Variants in CACNA2D1 observed in about 807,000 individuals in gnomAD.
CACNA2D1 encodes calcium voltage-gated channel auxiliary subunit alpha2delta 1.
In CACNA2D1, 53 loss-of-function variants were observed where a neutral mutation model predicts 171.5. That is an observed-to-expected ratio of 0.31 (90% CI 0.25 to 0.39). The LOEUF (loss-of-function observed/expected upper bound fraction) is 0.39. Among genes scored for constraint, CACNA2D1 ranks in the 10% least tolerant of loss-of-function variants. The pLI is 1.00. For synonymous variants in CACNA2D1, 442 were observed against 443.1 expected (o/e 1.00, Z 0.03); for missense variants, 903 against 1,299.8 (o/e 0.69, Z 4.69).
chr7:82,389,809 G>T (rs776181706), intron 1 of CACNA2D1, among the ~76,000 whole-genome samples: 3 of 152,158 alleles, frequency 2.0e-5, no homozygotes, highest in Admixed American at 6.6e-5. Context: ...TGAGCAGAGT[G>T]CCTTATACAC....
intron 3 of CACNA2D1, among the ~76,000 whole-genome samples, chr7:82,178,401 C>T (rs995074144): frequency 1.3e-5 from 2 of 152,070 alleles, no homozygotes; most frequent in African/African-American, 2.4e-5. Flanking sequence ...ATTATCATAC[C>T]TTCTTTTGGG....
intron 3 of CACNA2D1, among the ~76,000 whole-genome samples, chr7:82,264,254 C>T (rs1027229470): frequency 6.6e-6 from 1 of 152,116 alleles, no homozygotes; most frequent in African/African-American, 2.4e-5. Context: ...TATATATCTA[C>T]AAAAGATTGT....
chr7:81,962,416 G>T (rs780258840), intron 35 of CACNA2D1, 24 bp downstream of exon 35: 1 of 1,567,698 alleles, frequency 6.4e-7, no homozygotes, highest in East Asian at 2.3e-5. Context: ...TTATGGCAAT[G>T]ACAAGGTCTG....
chr7:82,193,164 C>T (rs1798510472), intron 3 of CACNA2D1, among the ~76,000 whole-genome samples: 1 of 146,278 alleles, frequency 6.8e-6, no homozygotes, highest in African/African-American at 2.4e-5. Flanking sequence ...CGGGCTTCAA[C>T]CCCTCATAAT....
intron 3 of CACNA2D1, among the ~76,000 whole-genome samples, chr7:82,302,070 T>C (rs1813081808): frequency 6.6e-6 from 1 of 152,134 alleles, no homozygotes; most frequent in South Asian, 2.1e-4. Flanking sequence ...CGCTTTTATA[T>C]TTTATAGACA....
At chr7:82,333,093 T>A (rs75796366) in intron 3 of CACNA2D1, among the ~76,000 whole-genome samples, 11,694 of 152,154 alleles carry the variant, frequency 0.077, 528 homozygotes, top group Middle Eastern at 0.17. Context: ...ATTTTTAAAG[T>A]TTATCAAATG....
chr7:81,982,896 A>G, intron 23 of CACNA2D1: 1 of 547,202 alleles, frequency 1.8e-6, no homozygotes, highest in Non-Finnish European at 3.2e-6. Context: ...ATCTAACCCT[A>G]CTATAACCGA....
intron 3 of CACNA2D1, among the ~76,000 whole-genome samples, chr7:82,189,923 C>A (rs1275200650): frequency 6.6e-6 from 1 of 151,834 alleles, no homozygotes; most frequent in Non-Finnish European, 1.5e-5. Flanking sequence ...AAAAGGTTTA[C>A]ATTAGATAAA....
chr7:82,133,983 G>A (rs1414675798), intron 5 of CACNA2D1, among the ~76,000 whole-genome samples: 1 of 152,002 alleles, frequency 6.6e-6, no homozygotes, highest in Non-Finnish European at 1.5e-5. Context: ...TGTGGCAGGA[G>A]AATGGCGTGA....
At chr7:82,421,243 C>G (rs1258930822) in intron 1 of CACNA2D1, among the ~76,000 whole-genome samples, 4 of 152,274 alleles carry the variant, frequency 2.6e-5, no homozygotes, top group African/African-American at 9.6e-5. Flanking sequence ...TGACTTTATG[C>G]CAAGACATTG....
At chr7:82,025,978 A>T (rs1374949748) in intron 12 of CACNA2D1, among the ~76,000 whole-genome samples, 1 of 149,888 alleles carries the variant, frequency 6.7e-6, no homozygotes, top group Non-Finnish European at 1.5e-5. Flanking sequence ...TTGGGTGCAT[A>T]CATCTTTGTT....
intron 3 of CACNA2D1, among the ~76,000 whole-genome samples, chr7:82,271,053 GT>G (rs1808557681): frequency 6.6e-6 from 1 of 152,010 alleles, no homozygotes; most frequent in Non-Finnish European, 1.5e-5. Context: ...TATAAATACA[GT>G]GTTTTAACCC....
intron 1 of CACNA2D1, among the ~76,000 whole-genome samples, chr7:82,414,225 T>C (rs1827951795): frequency 6.6e-6 from 1 of 152,230 alleles, no homozygotes; most frequent in Non-Finnish European, 1.5e-5. Context: ...TGATATCACA[T>C]GTAAACATTG....
rs551841496 is a variant in CACNA2D1 at position 82,176,257 on chromosome 7, A to T, written c.295-5648T>A. ...ACAGACATAACAGCATAATACTTCC[A>T]TGAATATTGAGTATAATATTCCATC... On this transcript the variant is annotated intron_variant, in intron 3 of 38. Coordinates refer to ENST00000356860, the MANE Select transcript of CACNA2D1 (RefSeq NM_000722.4). 1.1e-4 allele frequency among the ~76,000 whole-genome samples: 16 copies of T among 152,184 alleles called. No homozygotes were observed. In the East Asian group the frequency reaches 3.1e-3, roughly 29 times the overall value.
chr7:82,346,853 A>G (rs1241088956), intron 2 of CACNA2D1, among the ~76,000 whole-genome samples: 1 of 152,214 alleles, frequency 6.6e-6, no homozygotes, highest in African/African-American at 2.4e-5. Context: ...CAAGGTACAA[A>G]TAAGGATAAA....
intron 3 of CACNA2D1, among the ~76,000 whole-genome samples, chr7:82,236,525 G>A (rs1331203956): frequency 6.6e-6 from 1 of 152,006 alleles, no homozygotes; most frequent in Non-Finnish European, 1.5e-5. Flanking sequence ...CTGTGATAGT[G>A]CTATTTCTCT....
rs531821621 is a variant in CACNA2D1, at chr7:82,131,441, C to T, written c.396+5194G>A. Among the ~76,000 whole-genome samples, 22 of 152,288 alleles carry T rather than the reference C, an allele frequency of 1.4e-4. No individual in the cohort carries two copies. The South Asian group carries it at 4.6e-3, about 32-fold the overall frequency. ...TGTCTGTCTATAAATACTGCCTGGC[C>T]ATGTTGCTGGGTGGGGCTCTGTCCT... On this transcript the variant is annotated intron_variant, in intron 5 of 38. Coordinates refer to ENST00000356860, the MANE Select transcript of CACNA2D1 (RefSeq NM_000722.4).
chr7:82,309,191 AG>A (rs1424105178), intron 3 of CACNA2D1, among the ~76,000 whole-genome samples: 3 of 152,056 alleles, frequency 2.0e-5, no homozygotes, highest in Admixed American at 6.6e-5. Flanking sequence ...GGATCACCTG[AG>A]GTCAGGAGTT....
intron 3 of CACNA2D1, among the ~76,000 whole-genome samples, chr7:82,274,927 G>T (rs1207205449): frequency 6.6e-6 from 1 of 152,106 alleles, no homozygotes; most frequent in Non-Finnish European, 1.5e-5. Flanking sequence ...TCATAAAAAT[G>T]ACATAACTTA....
Sources: allele counts gnomAD v4.1 joint callset (sites outside exome capture counted in the v4.1 genomes callset), GRCh38; gene constraint gnomAD v4.1.1; transcripts MANE v1.5; gene names NCBI Gene and HGNC (gene_info 2026-07-23, HGNC 2026-07-21).